ADAM32: variants seen among roughly 807,000 people sequenced by gnomAD.
The protein encoded by ADAM32 is disintegrin and metalloproteinase domain-containing protein 32.
Under a neutral mutation model 114.9 loss-of-function variants are expected in ADAM32, and 89 were observed. That is an observed-to-expected ratio of 0.77 (90% CI 0.65 to 0.92). The LOEUF (loss-of-function observed/expected upper bound fraction) is 0.92. Ranked by LOEUF, ADAM32 falls within the 40% of genes least tolerant of loss-of-function variation. The probability of loss-of-function intolerance (pLI) is 0.00; values close to 1 mark genes in which losing one functional copy is unlikely to be tolerated. For synonymous variants in ADAM32, 285 were observed against 307.5 expected, an observed-to-expected ratio of 0.93 and a Z score of 0.77; for missense variants, 870 against 932.8, an observed-to-expected ratio of 0.93 and a Z score of 0.88.
intron 6 of ADAM32, among the ~76,000 whole-genome samples, chr8:39,160,570 A>ATCC (rs1324326856): frequency 8.5e-6 from 1 of 117,902 alleles, no homozygotes; most frequent in Non-Finnish European, 1.8e-5. Flanking sequence ...AAAAAAAAAA[A>ATCC]TCCTCCACAC....
intron 11 of ADAM32, among the ~76,000 whole-genome samples, chr8:39,193,524 A>T (rs1227951738): frequency 6.6e-6 from 1 of 152,180 alleles, no homozygotes; most frequent in Non-Finnish European, 1.5e-5. Context: ...CACCTTGGTT[A>T]ATAACCCTTG....
chr8:39,176,179 A>G (rs541973911), intron 10 of ADAM32, among the ~76,000 whole-genome samples: 1 of 151,628 alleles, frequency 6.6e-6, no homozygotes, highest in South Asian at 2.1e-4. Context: ...GTGTGTCTCT[A>G]TCTCCTTCAG....
intron 6 of ADAM32, among the ~76,000 whole-genome samples, chr8:39,154,115 G>A (rs1392955129): frequency 1.3e-5 from 2 of 151,150 alleles, no homozygotes; most frequent in Middle Eastern, 3.4e-3. Flanking sequence ...AGGTACACAC[G>A]TGCCATGGTG....
intron 16 of ADAM32, among the ~76,000 whole-genome samples, chr8:39,234,338 G>A (rs1428307393): frequency 6.7e-6 from 1 of 150,082 alleles, no homozygotes; most frequent in African/African-American, 2.5e-5. Flanking sequence ...CCTTGGGAGA[G>A]AGTCTTGGGA....
chr8:39,254,675 T>C (rs1417892002), intron 18 of ADAM32, among the ~76,000 whole-genome samples, 159 bp downstream of exon 18: 1 of 151,808 alleles, frequency 6.6e-6, no homozygotes, highest in East Asian at 1.9e-4. Flanking sequence ...CATGCCATCT[T>C]AATCTTGCTC....
intron 11 of ADAM32, among the ~76,000 whole-genome samples, chr8:39,207,494 A>C (rs1807922435): frequency 6.6e-6 from 1 of 152,212 alleles, no homozygotes; most frequent in Non-Finnish European, 1.5e-5. Context: ...TATATTGTAT[A>C]ATGATGAAAT....
rs534903887 is a variant in ADAM32 at position 39,208,313 on chromosome 8, T to C, written c.1053-2831T>C. ...AACCTGAAAAACTCTACACTTTAAC[T>C]CCCTTCTCCCCAATTTTGACTTTTT... is the stretch of plus-strand genomic sequence containing the variant. On this transcript the variant is annotated intron_variant, in intron 11 of 24. Coordinates refer to ENST00000379907, the MANE Select transcript of ADAM32 (RefSeq NM_145004.7). Among the ~76,000 whole-genome samples the C allele has an allele frequency of 5.9e-5, 9 of 152,250 alleles. No individual in the cohort carries two copies. The South Asian group carries it at 1.9e-3, about 32-fold the overall frequency.
intron 2 of ADAM32, among the ~76,000 whole-genome samples, chr8:39,120,437 C>T (rs1204006953): frequency 5.9e-5 from 9 of 152,026 alleles, no homozygotes; most frequent in Non-Finnish European, 8.8e-5. Flanking sequence ...TCATTATGAA[C>T]AGAATAGAAC....
rs138549577 is a variant in ADAM32, at chr8:39,194,222, G to T, written c.1052+7177G>T. Among the ~76,000 whole-genome samples, 60 of 152,292 alleles carry T rather than the reference G, an allele frequency of 3.9e-4. No homozygotes were observed. The East Asian group carries it at 0.011, about 27-fold the overall frequency. On this transcript the variant is annotated intron_variant, in intron 11 of 24. Transcript: ENST00000379907. ...TGTGCCCTCTGTGCACACTCGCGTG[G>T]TTAGCAGTGGCTGCTCAGTGAAGGG...
chr8:39,194,468 CCA>C (rs1806823266), intron 11 of ADAM32, among the ~76,000 whole-genome samples: 1 of 152,112 alleles, frequency 6.6e-6, no homozygotes. Context: ...GACACACACA[CCA>C]GCAAAGCACT....
chr8:39,222,718 T>A (rs1809060613), intron 13 of ADAM32, among the ~76,000 whole-genome samples: 1 of 152,104 alleles, frequency 6.6e-6, no homozygotes, highest in Admixed American at 6.6e-5. Context: ...TAAATTACAT[T>A]ATTTTCACCC....
At chr8:39,163,493 C>A (rs982724612) in intron 7 of ADAM32, among the ~76,000 whole-genome samples, 4 of 151,876 alleles carry the variant, frequency 2.6e-5, no homozygotes, top group Admixed American at 2.6e-4. Context: ...AGAGACTGTT[C>A]TAGTAATCAG....
chr8:39,269,357 A>G (rs1450431875), intron 19 of ADAM32, among the ~76,000 whole-genome samples: 1 of 152,182 alleles, frequency 6.6e-6, no homozygotes, highest in African/African-American at 2.4e-5. Flanking sequence ...TGTGAAATCA[A>G]TTGTTTTATA....
intron 2 of ADAM32, among the ~76,000 whole-genome samples, chr8:39,118,689 ATAAT>A (rs931481738): frequency 8.7e-4 from 132 of 152,234 alleles, no homozygotes; most frequent in African/African-American, 3.0e-3. Context: ...AAAAAGAAAT[ATAAT>A]TAAGCAAGCT....
At chr8:39,131,283 G>C (rs890638546) in intron 2 of ADAM32, among the ~76,000 whole-genome samples, 1 of 152,036 alleles carries the variant, frequency 6.6e-6, no homozygotes, top group Admixed American at 6.6e-5. Context: ...CCAGGAGTTT[G>C]AGACCAGCCT....
chr8:39,125,549 G>A (rs1413030440), intron 2 of ADAM32, among the ~76,000 whole-genome samples: 1 of 152,022 alleles, frequency 6.6e-6, no homozygotes, highest in Non-Finnish European at 1.5e-5. Context: ...TTCATCCTAG[G>A]GGTACTCGAT....
At chr8:39,208,162 G>A (rs1807970905) in intron 11 of ADAM32, among the ~76,000 whole-genome samples, 1 of 151,920 alleles carries the variant, frequency 6.6e-6, no homozygotes, top group Admixed American at 6.6e-5. Context: ...TTTCATAATG[G>A]TTGTGTAATT....
At chr8:39,239,758 A>G (rs1296188651) in intron 16 of ADAM32, among the ~76,000 whole-genome samples, 2 of 152,210 alleles carry the variant, frequency 1.3e-5, no homozygotes, top group Non-Finnish European at 2.9e-5. Flanking sequence ...TGGACATGTA[A>G]AGTGAGCAGG....
intron 1 of ADAM32, among the ~76,000 whole-genome samples, chr8:39,116,193 G>C (rs528571410): frequency 6.6e-6 from 1 of 152,160 alleles, no homozygotes; most frequent in Admixed American, 6.5e-5. Context: ...TCTTCTTTTT[G>C]CTTAGGATTG....
Sources: gnomAD v4.1 joint callset for allele counts (sites outside exome capture counted in the v4.1 genomes callset) on GRCh38, gnomAD v4.1.1 for gene constraint, MANE v1.5 for transcripts, NCBI Gene and HGNC (gene_info 2026-07-23, HGNC 2026-07-21) for gene names.